PLEKHD1: variants seen among roughly 807,000 people sequenced by gnomAD.
The protein encoded by PLEKHD1 is pleckstrin homology and coiled-coil domain containing D1.
PLEKHD1 carries 51 observed loss-of-function variants against 69.2 expected under a neutral mutation model. The observed-to-expected ratio is 0.74, with a 90% CI of 0.59 to 0.93. The LOEUF (loss-of-function observed/expected upper bound fraction) is 0.93. Ranked by LOEUF, PLEKHD1 falls within the 40% of genes least tolerant of loss-of-function variation. The pLI is 0.00. For missense variants in PLEKHD1, 584 were observed against 641.0 expected (o/e 0.91, Z 0.96); for synonymous variants, 236 against 244.7 (o/e 0.96, Z 0.33).
the PLEKHD1 span, among the ~76,000 whole-genome samples, chr14:69,475,503 G>A: frequency 1.3e-5 from 2 of 152,190 alleles, no homozygotes; most frequent in Non-Finnish European, 2.9e-5. Context: ...CATTGGGTGT[G>A]AGTGATTACT....
intron 6 of PLEKHD1, among the ~76,000 whole-genome samples, chr14:69,507,459 T>C (rs528436939): frequency 6.6e-6 from 1 of 152,236 alleles, no homozygotes; most frequent in Non-Finnish European, 1.5e-5. Flanking sequence ...TGAATAAAAT[T>C]GCTATAAACA....
chr14:69,530,061 G>A lies in PLEKHD1; in HGVS notation c.*1642G>A, dbSNP rs1034367155. 5.3e-5 allele frequency: 8 copies of A among 152,238 alleles called. No individual in the cohort carries two copies. Among genetic ancestry groups the A allele is most frequent in the African/African-American group, 1.9e-4 (8 of 41,466 alleles). The allele number at this position is 152,238 out of a possible 1,614,324, so 9.4% of individuals were successfully genotyped here. A position where few individuals can be genotyped will look rare whatever the true frequency, so the allele number is the denominator to read the frequency against. On this transcript the variant is annotated 3_prime_UTR_variant, in exon 13 of 13. Transcript: ENST00000322564. The stretch of plus-strand genomic sequence containing the variant: ...CATTCTTTGCTGCTTGGAAAACCAA[G>A]AAGTTCTGAGAGATAAACAGATGGC...
intron 6 of PLEKHD1, among the ~76,000 whole-genome samples, chr14:69,514,093 T>A (rs540161981): frequency 6.6e-6 from 1 of 152,322 alleles, no homozygotes; most frequent in East Asian, 1.9e-4. Context: ...TCATTTGGTG[T>A]TCTCTTAGCT....
In PLEKHD1 at chr14:69,484,931, G is replaced by A; in HGVS notation, c.-35G>A. ...GAGTCCCTGCTGACCCCGGGGAGGT[G>A]GGGTCCGGGCCGGGCACAGCCCCGC... On this transcript the variant is annotated 5_prime_UTR_variant, in exon 1 of 13. Transcript: ENST00000322564. 1.3e-6 allele frequency: 2 copies of A among 1,542,646 alleles called. No homozygotes were observed. The highest frequency in any genetic ancestry group is 1.8e-6 in the Non-Finnish European group (2 of 1,141,260).
intron 1 of PLEKHD1, 27 bp downstream of exon 1, chr14:69,485,141 G>T: frequency 6.5e-7 from 1 of 1,541,092 alleles, no homozygotes; most frequent in Non-Finnish European, 8.8e-7. Context: ...GCCCCAAGGA[G>T]ACCGCCGGGG....
chr14:69,524,214 C>T lies in PLEKHD1; in HGVS notation c.651-15C>T. 6.5e-7 allele frequency: 1 copy of T among 1,543,360 alleles called. No homozygotes were observed. The highest frequency in any genetic ancestry group is 1.2e-5 in the South Asian group (1 of 83,854). On this transcript the variant is annotated splice_polypyrimidine_tract_variant and intron_variant, in intron 7 of 12. Transcript: ENST00000322564. Reference sequence around the variant, plus strand: ...GAGAGTGGGCACTGCCATACCCAGCCCTCTGTCTCCACAGGGAGCTGGAAC... The same window carrying T: ...GAGAGTGGGCACTGCCATACCCAGCTCTCTGTCTCCACAGGGAGCTGGAAC...
rs966515418 is a variant in PLEKHD1 at position 69,531,326 on chromosome 14, C to T, written c.*2907C>T. On this transcript the variant is annotated 3_prime_UTR_variant, in exon 13 of 13. Coordinates refer to ENST00000322564, the MANE Select transcript of PLEKHD1 (RefSeq NM_001161498.2). ...TTCTCACCCTGTATTTTCCATGCCTCAGGCAAGTCTGAATTATCTTCAGCC... is the reference window on the plus strand; with the variant it reads ...TTCTCACCCTGTATTTTCCATGCCTTAGGCAAGTCTGAATTATCTTCAGCC... 2 of 152,242 alleles carry T rather than the reference C, an allele frequency of 1.3e-5. No homozygotes were observed. Among genetic ancestry groups the T allele is most frequent in the African/African-American group, 4.8e-5 (2 of 41,454 alleles). 9.4% of individuals were successfully genotyped at this position (152,242 alleles called of 1,614,324 possible). A position where few individuals can be genotyped will look rare whatever the true frequency, so the allele number is the denominator to read the frequency against.
chr14:69,471,133 G>A, the PLEKHD1 span, among the ~76,000 whole-genome samples: 1 of 103,844 alleles, frequency 9.6e-6, no homozygotes, highest in East Asian at 3.0e-4. Context: ...TTGAGACAGG[G>A]TCTTGCTCTG....
At chr14:69,486,933 C>A (rs1006830546) in intron 1 of PLEKHD1, among the ~76,000 whole-genome samples, 6 of 152,202 alleles carry the variant, frequency 3.9e-5, no homozygotes, top group African/African-American at 1.4e-4. Flanking sequence ...ATCTTCTCCT[C>A]CATCCACTAC....
chr14:69,521,103 G>T (rs1392422387), intron 6 of PLEKHD1, among the ~76,000 whole-genome samples: 1 of 152,206 alleles, frequency 6.6e-6, no homozygotes, highest in African/African-American at 2.4e-5. Flanking sequence ...CTGCACGAGT[G>T]CCACTCTGCC....
At chr14:69,497,013 A>T (rs1287009602) in intron 1 of PLEKHD1, among the ~76,000 whole-genome samples, 1 of 152,134 alleles carries the variant, frequency 6.6e-6, no homozygotes, top group African/African-American at 2.4e-5. Flanking sequence ...TTGAGTCCAT[A>T]GTAGCATTTC....
chr14:69,485,396 G>A (rs1392931436), intron 1 of PLEKHD1, among the ~76,000 whole-genome samples: 2 of 152,230 alleles, frequency 1.3e-5, no homozygotes, highest in Non-Finnish European at 2.9e-5. Flanking sequence ...CCGTGGTCGG[G>A]GTGGGATCCC....
At chr14:69,500,439 G>C in intron 2 of PLEKHD1, 138 bp from the exon 3 acceptor site, 1 of 730,018 alleles carries the variant, frequency 1.4e-6, no homozygotes, top group Non-Finnish European at 2.2e-6. Flanking sequence ...ATCAGTTCTG[G>C]CCTCTGTCCC....
At chr14:69,521,026 G>A (rs993610430) in intron 6 of PLEKHD1, among the ~76,000 whole-genome samples, 2 of 152,244 alleles carry the variant, frequency 1.3e-5, no homozygotes, top group African/African-American at 4.8e-5. Flanking sequence ...CAGCTACTCA[G>A]GAGGCTGAGG....
chr14:69,485,147 C>G (rs1246899113), intron 1 of PLEKHD1, 33 bp downstream of exon 1: 1 of 1,538,158 alleles, frequency 6.5e-7, no homozygotes, highest in South Asian at 1.2e-5. Flanking sequence ...AGGAGACCGC[C>G]GGGGAGAGAG....
At position 69,528,680 on chromosome 14, in the gene PLEKHD1, G is replaced by A. The variant is rs1883721361; in HGVS notation, c.*261G>A. The A allele has an allele frequency of 1.9e-6, 1 of 527,996 alleles. No individual in the cohort carries two copies. Among genetic ancestry groups the A allele is most frequent in the South Asian group, 2.3e-5 (1 of 42,556 alleles). The allele number at this position is 527,996 out of a possible 1,614,324, so 32.7% of individuals were successfully genotyped here. A position where few individuals can be genotyped will look rare whatever the true frequency, so the allele number is the denominator to read the frequency against. ...AGCTGGGTGCTGGTTGTCATGGTGA[G>A]GTGAGGACAGGACCTGGTTGTATGT... On this transcript the variant is annotated 3_prime_UTR_variant, in exon 13 of 13. Coordinates refer to ENST00000322564, the MANE Select transcript of PLEKHD1 (RefSeq NM_001161498.2).
At chr14:69,510,607 C>G (rs768494101) in intron 6 of PLEKHD1, among the ~76,000 whole-genome samples, 1 of 152,080 alleles carries the variant, frequency 6.6e-6, no homozygotes, top group South Asian at 2.1e-4. Context: ...ATCTTGTATC[C>G]TACAATCTTG....
intron 2 of PLEKHD1, 141 bp downstream of exon 2, chr14:69,500,349 C>A: frequency 1.3e-6 from 1 of 775,250 alleles, no homozygotes; most frequent in Non-Finnish European, 2.0e-6. Flanking sequence ...GGGCAAAAGA[C>A]CCCCTGCCCC....
the PLEKHD1 span, among the ~76,000 whole-genome samples, chr14:69,472,084 C>A: frequency 3.3e-5 from 5 of 152,162 alleles, no homozygotes; most frequent in South Asian, 1.0e-3. Flanking sequence ...TGAGTCAGAA[C>A]CAAACACCAC....
Sources: gnomAD v4.1 joint callset for allele counts (sites outside exome capture counted in the v4.1 genomes callset) on GRCh38, gnomAD v4.1.1 for gene constraint, MANE v1.5 for transcripts, NCBI Gene and HGNC (gene_info 2026-07-23, HGNC 2026-07-21) for gene names.